The following TBCA variants were observed in gnomAD, a reference collection of about 807,000 sequenced individuals.
TBCA encodes tubulin folding cofactor A.
In TBCA, 6 loss-of-function variants were observed where a neutral mutation model predicts 15.8. That is an observed-to-expected ratio of 0.38 (90% CI 0.21 to 0.75). The LOEUF is 0.75. TBCA is among the 30% of genes least tolerant of loss of function. The pLI is 0.46. For missense variants in TBCA, 90 were observed against 131.2 expected (o/e 0.69, Z 1.53); for synonymous variants, 32 against 42.3 (o/e 0.76, Z 0.94).
At chr5:77,751,924 T>C (rs1331866374) in intron 1 of TBCA, among the ~76,000 whole-genome samples, 1 of 152,102 alleles carries the variant, frequency 6.6e-6, no homozygotes, top group Non-Finnish European at 1.5e-5. Flanking sequence ...GCTCAGTCAG[T>C]TCCTGGGTAG....
Position 77,729,229 on chromosome 5 carries a change from G to A in TBCA, c.54-20882C>T, listed in dbSNP as rs139903302. On this transcript the variant is annotated intron_variant, in intron 1 of 3. Coordinates refer to ENST00000380377, the MANE Select transcript of TBCA (RefSeq NM_004607.3). ...TTCGGGAGGCTAAGGCAGGAGAATC[G>A]CTTGAACCTGGGAGGAAGAGGTTGC... Among the ~76,000 whole-genome samples, 436 of 152,062 alleles carry A rather than the reference G, an allele frequency of 2.9e-3. 3 individuals are homozygous for A. The highest frequency in any genetic ancestry group is 7.7e-3 in the South Asian group (37 of 4,804).
chr5:77,692,819 G>A (rs1745785080), intron 3 of TBCA: 50 of 1,063,594 alleles, frequency 4.7e-5, no homozygotes, highest in Non-Finnish European at 5.6e-5. Context: ...AGATTACCAG[G>A]TTTTTTCCCC....
intron 1 of TBCA, among the ~76,000 whole-genome samples, chr5:77,756,241 G>A (rs1193488691): frequency 2.6e-5 from 4 of 152,136 alleles, no homozygotes; most frequent in African/African-American, 9.7e-5. Flanking sequence ...TCTCTCCAGA[G>A]GTCTAGCACC....
chr5:77,762,427 G>C (rs926943899), intron 1 of TBCA, among the ~76,000 whole-genome samples: 1 of 152,006 alleles, frequency 6.6e-6, no homozygotes, highest in African/African-American at 2.4e-5. Flanking sequence ...TTTAATTGTG[G>C]TAGTAGTGCT....
intron 1 of TBCA, among the ~76,000 whole-genome samples, chr5:77,744,803 T>G (rs1747145456): frequency 6.6e-6 from 1 of 152,162 alleles, no homozygotes; most frequent in Non-Finnish European, 1.5e-5. Flanking sequence ...CCAAAAGTGC[T>G]GAGATTACAG....
chr5:77,692,232 G>A (rs901221253), intron 3 of TBCA: 1 of 985,036 alleles, frequency 1.0e-6, no homozygotes, highest in African/African-American at 1.7e-5. Flanking sequence ...AAACAGTAGA[G>A]GAAATAAAGT....
chr5:77,740,819 TTAAG>T (rs1611107), intron 1 of TBCA, among the ~76,000 whole-genome samples: 34,488 of 151,890 alleles, frequency 0.23, 4,592 homozygotes, highest in Non-Finnish European at 0.31. Flanking sequence ...CAGAAAACAT[TTAAG>T]TAAGGGTAAG....
intron 3 of TBCA, chr5:77,693,002 C>T: frequency 2.1e-6 from 3 of 1,409,058 alleles, no homozygotes; most frequent in Admixed American, 3.2e-5. Context: ...CTGGACAATA[C>T]TGGTACTATC....
chr5:77,758,827 G>A (rs762888130), intron 1 of TBCA, among the ~76,000 whole-genome samples: 7 of 152,142 alleles, frequency 4.6e-5, no homozygotes, highest in Non-Finnish European at 8.8e-5. Flanking sequence ...CACATGCCCG[G>A]GTTCACTTGC....
chr5:77,772,801 A>G (rs923981644), intron 1 of TBCA, among the ~76,000 whole-genome samples: 1 of 152,226 alleles, frequency 6.6e-6, no homozygotes, highest in African/African-American at 2.4e-5. Context: ...AAGTTTCATA[A>G]AATGATAAAT....
intron 1 of TBCA, among the ~76,000 whole-genome samples, chr5:77,767,085 C>T (rs1243019985): frequency 2.0e-5 from 3 of 152,328 alleles, no homozygotes; most frequent in Admixed American, 1.3e-4. Context: ...AATTATAATA[C>T]TATACTAGTA....
At chr5:77,720,960 T>C (rs1178423839) in intron 1 of TBCA, among the ~76,000 whole-genome samples, 1 of 152,260 alleles carries the variant, frequency 6.6e-6, no homozygotes, top group African/African-American at 2.4e-5. Context: ...CACTCTATTC[T>C]GTTCTATTGT....
intron 2 of TBCA, among the ~76,000 whole-genome samples, chr5:77,705,373 A>G: frequency 6.6e-6 from 1 of 152,230 alleles, no homozygotes; most frequent in East Asian, 1.9e-4. Flanking sequence ...GACCTGGATG[A>G]AATAAAGTTA....
At chr5:77,723,296 G>A (rs1746564602) in intron 1 of TBCA, among the ~76,000 whole-genome samples, 1 of 151,758 alleles carries the variant, frequency 6.6e-6, no homozygotes, top group Non-Finnish European at 1.5e-5. Flanking sequence ...TAATTTTAAA[G>A]TAAGATGGCT....
At chr5:77,692,293 T>G (rs1373717627) in intron 3 of TBCA, 1 of 985,302 alleles carries the variant, frequency 1.0e-6, no homozygotes. Flanking sequence ...AGAATTTGCT[T>G]AGCTCAAACT....
At chr5:77,701,433 G>C (rs1746010583) in intron 2 of TBCA, among the ~76,000 whole-genome samples, 1 of 151,830 alleles carries the variant, frequency 6.6e-6, no homozygotes, top group Non-Finnish European at 1.5e-5. Context: ...TGCATGTGGT[G>C]AACAGGGAAC....
chr5:77,704,201 C>T (rs749590184), intron 2 of TBCA, among the ~76,000 whole-genome samples: 1 of 152,174 alleles, frequency 6.6e-6, no homozygotes, highest in Non-Finnish European at 1.5e-5. Context: ...AAATTCTGGG[C>T]TCAAGTGATC....
intron 1 of TBCA, among the ~76,000 whole-genome samples, chr5:77,716,090 T>C (rs1409068320): frequency 2.0e-5 from 3 of 152,220 alleles, no homozygotes; most frequent in Admixed American, 6.5e-5. Flanking sequence ...AGTAGTATTA[T>C]CTCTATTTTA....
intron 1 of TBCA, among the ~76,000 whole-genome samples, chr5:77,750,998 G>C (rs922368858): frequency 7.9e-5 from 12 of 152,032 alleles, no homozygotes; most frequent in Admixed American, 7.9e-4. Flanking sequence ...TGAAGACCAA[G>C]GTTTTGTCAT....
Sources: allele counts gnomAD v4.1 joint callset (sites outside exome capture counted in the v4.1 genomes callset), GRCh38; gene constraint gnomAD v4.1.1; transcripts MANE v1.5; gene names NCBI Gene and HGNC (gene_info 2026-07-23, HGNC 2026-07-21).